The following ATG10 variants were observed in gnomAD, a reference collection of about 807,000 sequenced individuals.
The protein encoded by ATG10 is ubiquitin-like-conjugating enzyme ATG10.
ATG10 carries 30 observed loss-of-function variants against 32.1 expected under a neutral mutation model. The ratio of observed to expected loss-of-function variants is 0.94; its 90% CI spans 0.70 to 1.27. The LOEUF (loss-of-function observed/expected upper bound fraction) is 1.27. Ranked by LOEUF, ATG10 falls within the 50% of genes most tolerant of loss-of-function variation. The pLI is 0.00. For missense variants in ATG10, 233 were observed against 262.3 expected (o/e 0.89, Z 0.77); for synonymous variants, 87 against 91.5 (o/e 0.95, Z 0.28).
chr5:82,019,263 A>G (rs1391909715), intron 2 of ATG10, among the ~76,000 whole-genome samples: 5 of 152,206 alleles, frequency 3.3e-5, no homozygotes, highest in Non-Finnish European at 7.3e-5. Flanking sequence ...TAATTCAAAT[A>G]ACCTCTTCAG....
At chr5:82,216,530 G>T (rs1202841594) in intron 5 of ATG10, among the ~76,000 whole-genome samples, 1 of 152,138 alleles carries the variant, frequency 6.6e-6, no homozygotes, top group South Asian at 2.1e-4. Flanking sequence ...CCAGAATCAA[G>T]TAAGCCACCT....
At chr5:82,217,681 C>T (rs1248846094) in intron 5 of ATG10, among the ~76,000 whole-genome samples, 1 of 151,854 alleles carries the variant, frequency 6.6e-6, no homozygotes, top group South Asian at 2.1e-4. Context: ...TCATTTAATT[C>T]TCAAAACAGC....
chr5:82,108,748 A>C (rs1317210936), intron 3 of ATG10, among the ~76,000 whole-genome samples: 4 of 151,982 alleles, frequency 2.6e-5, no homozygotes, highest in African/African-American at 9.7e-5. Flanking sequence ...AAAATATTTA[A>C]ACACAAGGCA....
chr5:82,062,536 C>G (rs960588873), intron 3 of ATG10, among the ~76,000 whole-genome samples: 2 of 152,092 alleles, frequency 1.3e-5, no homozygotes, highest in Admixed American at 1.3e-4. Flanking sequence ...ATATAACAAG[C>G]GTACAGTGCT....
intron 5 of ATG10, among the ~76,000 whole-genome samples, chr5:82,234,714 T>G (rs1359391962): frequency 6.6e-6 from 1 of 152,190 alleles, no homozygotes; most frequent in Non-Finnish European, 1.5e-5. Flanking sequence ...CCTCTTAGTA[T>G]TATTATTAGA....
At chr5:82,133,771 G>A (rs1235777920) in intron 3 of ATG10, among the ~76,000 whole-genome samples, 1 of 152,076 alleles carries the variant, frequency 6.6e-6, no homozygotes, top group Admixed American at 6.6e-5. Context: ...AAAGTCACTG[G>A]TAGCTTGATG....
intron 2 of ATG10, among the ~76,000 whole-genome samples, chr5:82,018,921 T>C (rs1431009133): frequency 6.6e-6 from 1 of 152,202 alleles, no homozygotes; most frequent in Admixed American, 6.5e-5. Context: ...TGTACTTATT[T>C]ATTATGTTTA....
At chr5:81,979,689 CTTTTTTT>C (rs35202555) in intron 1 of ATG10, among the ~76,000 whole-genome samples, 1 of 123,824 alleles carries the variant, frequency 8.1e-6, no homozygotes, top group African/African-American at 3.0e-5. Context: ...GTAGGTAAAC[CTTTTTTT>C]TTTTTTTTTT....
At chr5:82,145,061 C>T (rs1767294314) in intron 3 of ATG10, among the ~76,000 whole-genome samples, 1 of 152,068 alleles carries the variant, frequency 6.6e-6, no homozygotes, top group African/African-American at 2.4e-5. Flanking sequence ...CAGTAATACT[C>T]TTAATCTTAG....
chr5:82,051,849 C>T (rs868795280), intron 2 of ATG10, among the ~76,000 whole-genome samples: 5 of 152,086 alleles, frequency 3.3e-5, no homozygotes, highest in Non-Finnish European at 5.9e-5. Flanking sequence ...GTTTAATGTC[C>T]GACCTACCTA....
At chr5:82,004,692 GACTC>G (rs1002656119) in intron 2 of ATG10, among the ~76,000 whole-genome samples, 3 of 152,210 alleles carry the variant, frequency 2.0e-5, no homozygotes, top group African/African-American at 4.8e-5. Flanking sequence ...GGTCACGTGT[GACTC>G]ACGGTGAGTC....
chr5:82,111,064 A>G (rs1184758645), intron 3 of ATG10, among the ~76,000 whole-genome samples: 3 of 151,996 alleles, frequency 2.0e-5, no homozygotes, highest in African/African-American at 7.2e-5. Flanking sequence ...GACCATATAC[A>G]TTGATCTGTT....
At chr5:82,002,116 A>G (rs186383632) in intron 2 of ATG10, among the ~76,000 whole-genome samples, 36 of 152,348 alleles carry the variant, frequency 2.4e-4, no homozygotes, top group Middle Eastern at 3.4e-3. Flanking sequence ...CAGAATGGCT[A>G]TTATTAAAAA....
intron 3 of ATG10, among the ~76,000 whole-genome samples, chr5:82,098,386 A>G (rs985376349): frequency 7.3e-6 from 1 of 136,938 alleles, no homozygotes. Flanking sequence ...ATCTCAGCTC[A>G]CTGCAACCTC....
intron 3 of ATG10, among the ~76,000 whole-genome samples, chr5:82,062,704 T>C (rs1255984478): frequency 1.3e-5 from 2 of 152,184 alleles, no homozygotes; most frequent in Non-Finnish European, 2.9e-5. Flanking sequence ...TTCTTACCTT[T>C]AGACGTTGGG....
chr5:82,242,109 A>T (rs1442254465), intron 5 of ATG10, among the ~76,000 whole-genome samples: 2 of 152,188 alleles, frequency 1.3e-5, no homozygotes, highest in Non-Finnish European at 2.9e-5. Flanking sequence ...TACTGAAATT[A>T]TTCAGTGCAA....
At chr5:82,081,123 A>T (rs998811354) in intron 3 of ATG10, among the ~76,000 whole-genome samples, 1 of 152,176 alleles carries the variant, frequency 6.6e-6, no homozygotes, top group African/African-American at 2.4e-5. Flanking sequence ...TCTTTGAAGC[A>T]ATTGTGAATG....
At chr5:82,166,028 A>G (rs1272131926) in intron 4 of ATG10, among the ~76,000 whole-genome samples, 2 of 152,248 alleles carry the variant, frequency 1.3e-5, no homozygotes, top group South Asian at 2.1e-4. Context: ...GTGTTGAAAC[A>G]TGACTGCTTC....
At chr5:82,161,298 T>C (rs1239833270) in intron 3 of ATG10, among the ~76,000 whole-genome samples, 1 of 152,128 alleles carries the variant, frequency 6.6e-6, no homozygotes, top group East Asian at 1.9e-4. Context: ...CAAATACCCC[T>C]GGCTTTCACA....
Sources: gnomAD v4.1 joint callset for allele counts (sites outside exome capture counted in the v4.1 genomes callset) on GRCh38, gnomAD v4.1.1 for gene constraint, MANE v1.5 for transcripts, NCBI Gene and HGNC (gene_info 2026-07-23, HGNC 2026-07-21) for gene names.